KIAA1217: variants seen among roughly 807,000 people sequenced by gnomAD.
KIAA1217 encodes the protein KIAA1217.
In KIAA1217, 88 loss-of-function variants were observed where a neutral mutation model predicts 163.9. The ratio of observed to expected loss-of-function variants is 0.54; its 90% CI spans 0.45 to 0.64. The LOEUF is 0.64. Among genes scored for constraint, KIAA1217 ranks in the 30% least tolerant of loss-of-function variants. The probability of loss-of-function intolerance (pLI) is 0.00; values close to 1 mark genes in which losing one functional copy is unlikely to be tolerated. For synonymous variants in KIAA1217, 903 were observed against 923.1 expected (o/e 0.98, Z 0.39); for missense variants, 2,372 against 2,475.0 (o/e 0.96, Z 0.88).
At chr10:23,794,580 G>A (rs1233648198) in intron 1 of KIAA1217, among the ~76,000 whole-genome samples, 2 of 152,174 alleles carry the variant, frequency 1.3e-5, no homozygotes, top group African/African-American at 4.8e-5. Context: ...TAACAACTGT[G>A]AATCATTTCA....
At chr10:24,309,336 G>A (rs1227453017) in intron 2 of KIAA1217, among the ~76,000 whole-genome samples, 3 of 90,586 alleles carry the variant, frequency 3.3e-5, no homozygotes, top group African/African-American at 1.1e-4. Flanking sequence ...AAATAGGCGC[G>A]CGCACGCGCG....
At chr10:24,392,334 A>G (rs1183355188) in intron 3 of KIAA1217, among the ~76,000 whole-genome samples, 1 of 152,218 alleles carries the variant, frequency 6.6e-6, no homozygotes, top group Non-Finnish European at 1.5e-5. Flanking sequence ...GTTATATATC[A>G]CAGTTGTTTT....
In KIAA1217 at chr10:24,509,150, A is replaced by G. The variant is rs146651334; in HGVS notation, c.2002-4109A>G. Among the ~76,000 whole-genome samples the G allele has an allele frequency of 2.6e-5, 4 of 152,378 alleles. No individual in the cohort carries two copies. In the East Asian group the frequency reaches 7.7e-4, roughly 29 times the overall value. ...AGCTTCCAAAAAGTAATTTACTTGA[A>G]GCATTTAGAGAAAGATGGTGATCCA... is the stretch of plus-strand genomic sequence containing the variant. On this transcript the variant is annotated intron_variant, in intron 9 of 20. Coordinates refer to ENST00000376454, the MANE Select transcript of KIAA1217 (RefSeq NM_019590.5).
intron 1 of KIAA1217, among the ~76,000 whole-genome samples, chr10:23,924,044 T>C (rs1842936682): frequency 6.6e-6 from 1 of 152,194 alleles, no homozygotes; most frequent in Admixed American, 6.5e-5. Flanking sequence ...AAGATAATTA[T>C]GATTTTTAAA....
intron 2 of KIAA1217, among the ~76,000 whole-genome samples, chr10:24,311,255 T>C (rs999672287): frequency 6.6e-5 from 10 of 152,166 alleles, no homozygotes; most frequent in African/African-American, 2.2e-4. Flanking sequence ...CTGTGACACC[T>C]TGGAGAACAA....
At chr10:24,000,400 T>C (rs1846684201) in intron 1 of KIAA1217, among the ~76,000 whole-genome samples, 1 of 152,184 alleles carries the variant, frequency 6.6e-6, no homozygotes, top group Non-Finnish European at 1.5e-5. Flanking sequence ...CACTTCTCCT[T>C]GCTGCCACCA....
chr10:23,927,676 T>C (rs1589092864), intron 1 of KIAA1217, among the ~76,000 whole-genome samples: 1 of 152,130 alleles, frequency 6.6e-6, no homozygotes, highest in East Asian at 1.9e-4. Flanking sequence ...CTCTGTCCTT[T>C]CCCAGAATAA....
rs191797468 is a variant in KIAA1217 at position 24,076,101 on chromosome 10, C to T, written c.-171+68727C>T. On this transcript the variant is annotated intron_variant, in intron 2 of 18. Coordinates refer to the KIAA1217 transcript ENST00000376462. ...AGGGCCTGATGAACAACCTGTGGGA[C>T]CTAATCTGTGTATTGGTTTCATTGA... Among the ~76,000 whole-genome samples, 3 of 152,230 alleles carry T rather than the reference C, an allele frequency of 2.0e-5. No individual in the cohort carries two copies. In the East Asian group the frequency reaches 5.8e-4, roughly 29 times the overall value.
chr10:24,361,492 G>A (rs1358990374), intron 2 of KIAA1217, among the ~76,000 whole-genome samples: 1 of 152,068 alleles, frequency 6.6e-6, no homozygotes, highest in Non-Finnish European at 1.5e-5. Context: ...CCAGCCCATT[G>A]TTTTCTAATA....
Position 24,480,292 on chromosome 10 carries a change from G to A in KIAA1217, c.1679+6232G>A, listed in dbSNP as rs188363471. On this transcript the variant is annotated intron_variant, in intron 6 of 20. Transcript: ENST00000376454. ...TCAAGCAATGTAAATTGTGACATTC[G>A]TAAGGCAAGGACCAGGACAGTTATT... Among the ~76,000 whole-genome samples the A allele has an allele frequency of 1.9e-3, 292 of 152,308 alleles. 2 individuals carry two copies. Among genetic ancestry groups the A allele is most frequent in the African/African-American group, 6.4e-3 (267 of 41,556 alleles).
chr10:24,027,630 T>C (rs1199315341), intron 2 of KIAA1217, among the ~76,000 whole-genome samples: 1 of 152,068 alleles, frequency 6.6e-6, no homozygotes, highest in Admixed American at 6.6e-5. Context: ...CATTATTTAA[T>C]ACCTAAACAA....
At chr10:24,169,992 A>G (rs556387442) in intron 2 of KIAA1217, among the ~76,000 whole-genome samples, 5 of 152,320 alleles carry the variant, frequency 3.3e-5, no homozygotes, top group African/African-American at 4.8e-5. Flanking sequence ...AACAGGCTAT[A>G]TCTGATAGCA....
intron 1 of KIAA1217, among the ~76,000 whole-genome samples, chr10:23,794,691 A>G (rs1414455): frequency 0.18 from 27,658 of 152,230 alleles, 2,662 homozygotes; most frequent in Middle Eastern, 0.27. Context: ...AAGGTAGAAT[A>G]AACCTAACCT....
intron 3 of KIAA1217, among the ~76,000 whole-genome samples, chr10:24,422,981 T>G (rs964781660): frequency 6.7e-6 from 1 of 149,500 alleles, no homozygotes; most frequent in Non-Finnish European, 1.5e-5. Flanking sequence ...CTTGGCTCAC[T>G]GCAAGTTCTG....
At chr10:24,147,123 C>G (rs1425364074) in intron 2 of KIAA1217, among the ~76,000 whole-genome samples, 1 of 150,958 alleles carries the variant, frequency 6.6e-6, no homozygotes, top group Non-Finnish European at 1.5e-5. Context: ...CTCTGTGAAT[C>G]TAGAATGGTT....
intron 2 of KIAA1217, among the ~76,000 whole-genome samples, chr10:24,074,986 A>G (rs548270373): frequency 6.6e-6 from 1 of 152,170 alleles, no homozygotes; most frequent in East Asian, 1.9e-4. Context: ...GACATGAGTC[A>G]CCATGCCCAG....
intron 1 of KIAA1217, among the ~76,000 whole-genome samples, chr10:23,733,784 A>T (rs763632949): frequency 2.0e-5 from 3 of 152,134 alleles, no homozygotes; most frequent in Non-Finnish European, 4.4e-5. Flanking sequence ...CTGACACTAG[A>T]TTATTAAAAA....
At chr10:23,816,442 G>GC (rs34472925) in intron 1 of KIAA1217, among the ~76,000 whole-genome samples, 29,224 of 151,888 alleles carry the variant, frequency 0.19, 2,959 homozygotes, top group Middle Eastern at 0.29. Context: ...ACAGGCACCT[G>GC]CCACCATACC....
intron 2 of KIAA1217, among the ~76,000 whole-genome samples, chr10:24,314,642 C>G (rs1302011093): frequency 1.3e-5 from 2 of 152,096 alleles, no homozygotes; most frequent in Non-Finnish European, 2.9e-5. Flanking sequence ...TATCTGTGAT[C>G]TGCAAAATAT....
Sources: allele counts gnomAD v4.1 joint callset (sites outside exome capture counted in the v4.1 genomes callset), GRCh38; gene constraint gnomAD v4.1.1; transcripts MANE v1.5; gene names NCBI Gene and HGNC (gene_info 2026-07-23, HGNC 2026-07-21).